The following STOX2 variants were observed in gnomAD, a reference collection of about 807,000 sequenced individuals.
The protein encoded by STOX2 is storkhead box 2, also known as storkhead-box protein 2.
A neutral mutation model predicts 60.9 loss-of-function variants in STOX2; 28 were observed. That is an observed-to-expected ratio of 0.46 (90% confidence interval 0.34 to 0.63). The LOEUF is 0.63. Ranked by LOEUF, STOX2 falls within the 30% of genes least tolerant of loss-of-function variation. The pLI is 0.01. For missense variants in STOX2, 1,024 were observed against 1,187.7 expected (o/e 0.86, Z 2.03); for synonymous variants, 472 against 463.9 (o/e 1.02, Z -0.22).
intron 1 of STOX2, among the ~76,000 whole-genome samples, chr4:183,928,362 C>CA (rs980028722): frequency 2.6e-5 from 4 of 151,994 alleles, no homozygotes; most frequent in African/African-American, 9.7e-5. Context: ...AATGAAACAG[C>CA]AAAAAAACCA....
At chr4:183,808,012 G>T (rs1386717996) in intron 1 of STOX2, among the ~76,000 whole-genome samples, 1 of 152,226 alleles carries the variant, frequency 6.6e-6, no homozygotes, top group East Asian at 1.9e-4. Flanking sequence ...GATCAGCGCG[G>T]GTTCCCGTAG....
rs1365592551 is a variant in STOX2, at chr4:184,009,290, T to A, written c.452T>A (p.Ile151Lys). The change falls in exon 3 of 4, where the codon ATA (isoleucine) becomes AAA (lysine). Residue 151 changes from isoleucine (I) to lysine (K), a missense_variant. Physicochemically the swap from Ile to Lys is moderately radical, Grantham distance 102. This residue lies in a region of STOX2 where 922 missense variants were observed against 1,058.3 expected (regional missense o/e 0.87). Coordinates refer to ENST00000308497, the MANE Select transcript of STOX2 (RefSeq NM_020225.3). This position sits in a 1 kb window ranked among gnomAD's most constrained non-coding sequence, Gnocchi z 4.0. ...ACTTATTTCATAACTCCTTCCCTCA[T>A]AAGAACTAACAGTAAATGGTACCAT... is the stretch of plus-strand genomic sequence containing the variant. The part of the protein sequence containing the change: ...PQTYFITPSL[I>K]RTNSKWYHLD... 2 of 1,613,834 alleles carry A rather than the reference T, an allele frequency of 1.2e-6. No individual in the cohort carries two copies. The highest frequency in any genetic ancestry group is 1.7e-5 in the Admixed American group (1 of 59,992).
At chr4:183,938,879 C>A (rs1229446483) in intron 1 of STOX2, among the ~76,000 whole-genome samples, 1 of 151,934 alleles carries the variant, frequency 6.6e-6, no homozygotes, top group African/African-American at 2.4e-5. Context: ...ATTTCATCAG[C>A]TCTGATTAAG....
At chr4:183,819,863 C>A (rs2111109560) in intron 1 of STOX2, among the ~76,000 whole-genome samples, 1 of 152,176 alleles carries the variant, frequency 6.6e-6, no homozygotes, top group African/African-American at 2.4e-5. Flanking sequence ...ACTGCCGTTG[C>A]CTTTGGAGGA....
At chr4:183,830,481 C>T (rs1739541105) in intron 1 of STOX2, among the ~76,000 whole-genome samples, 1 of 152,122 alleles carries the variant, frequency 6.6e-6, no homozygotes. Flanking sequence ...TCCTCTGTGC[C>T]AGGGCTGGGA....
intron 1 of STOX2, among the ~76,000 whole-genome samples, chr4:183,876,239 G>T (rs901341329): frequency 6.6e-6 from 1 of 152,174 alleles, no homozygotes; most frequent in African/African-American, 2.4e-5. Flanking sequence ...ACTCCCAGGC[G>T]GTCTGATGCA....
chr4:183,958,745 GC>G (rs1187936308), intron 1 of STOX2, among the ~76,000 whole-genome samples: 1 of 152,144 alleles, frequency 6.6e-6, no homozygotes, highest in Non-Finnish European at 1.5e-5. Flanking sequence ...AAGTAGCTCT[GC>G]TCATGATGTC....
chr4:183,935,911 A>G (rs1742577256), intron 1 of STOX2, among the ~76,000 whole-genome samples: 1 of 152,240 alleles, frequency 6.6e-6, no homozygotes, highest in Non-Finnish European at 1.5e-5. Context: ...TTAAGGTGGA[A>G]AACCTGATAT....
chr4:183,907,814 TCTC>T (rs1346183678), intron 1 of STOX2, among the ~76,000 whole-genome samples: 1 of 152,224 alleles, frequency 6.6e-6, no homozygotes, highest in East Asian at 1.9e-4. Context: ...TCCGTTGCCT[TCTC>T]CTTACTTCTC....
At chr4:184,013,548 T>C (rs138985877) in intron 3 of STOX2, among the ~76,000 whole-genome samples, 2 of 152,340 alleles carry the variant, frequency 1.3e-5, no homozygotes, top group African/African-American at 4.8e-5. Flanking sequence ...AGTTAGAGAA[T>C]CTACAGAACA....
At chr4:183,956,452 A>G (rs1200460026) in intron 1 of STOX2, among the ~76,000 whole-genome samples, 2 of 148,620 alleles carry the variant, frequency 1.3e-5, no homozygotes, top group African/African-American at 5.1e-5. Context: ...CTATCTATCT[A>G]TCTATCTATC....
chr4:183,898,825 G>A (rs1012660214), intron 1 of STOX2, among the ~76,000 whole-genome samples: 7 of 152,174 alleles, frequency 4.6e-5, no homozygotes, highest in Admixed American at 6.5e-5. Flanking sequence ...TGGCAGTGGC[G>A]AGATCGTTAG....
chr4:183,878,544 A>G (rs1740881950), intron 1 of STOX2, among the ~76,000 whole-genome samples: 1 of 152,240 alleles, frequency 6.6e-6, no homozygotes, highest in Non-Finnish European at 1.5e-5. Flanking sequence ...ACAATAGCAA[A>G]TTGAGAACAT....
At chr4:183,824,160 C>A (rs1392593475) in intron 1 of STOX2, among the ~76,000 whole-genome samples, 2 of 152,172 alleles carry the variant, frequency 1.3e-5, no homozygotes. Context: ...CCGTCACCTA[C>A]TTTAAAATAA....
intron 1 of STOX2, among the ~76,000 whole-genome samples, chr4:183,911,425 C>T (rs561630961): frequency 1.6e-4 from 24 of 152,076 alleles, no homozygotes; most frequent in South Asian, 1.2e-3. Context: ...TCAGCCTAGC[C>T]GCTCCAACTG....
chr4:183,903,160 G>A (rs1460099033), upstream of STOX2, among the ~76,000 whole-genome samples: 1 of 152,152 alleles, frequency 6.6e-6, no homozygotes, highest in Non-Finnish European at 1.5e-5. Flanking sequence ...ACTGCACTTG[G>A]AATAGAATAT....
chr4:183,841,850 T>A (rs1357958497), intron 1 of STOX2, among the ~76,000 whole-genome samples: 1 of 152,208 alleles, frequency 6.6e-6, no homozygotes, highest in Non-Finnish European at 1.5e-5. Context: ...AGGTAAATGC[T>A]TATGGTGGGA....
At chr4:183,849,467 C>T (rs1740063740) in intron 1 of STOX2, among the ~76,000 whole-genome samples, 1 of 152,160 alleles carries the variant, frequency 6.6e-6, no homozygotes, top group Admixed American at 6.5e-5. Flanking sequence ...GAGATACATA[C>T]AAGAACTCTT....
At chr4:183,950,212 A>G (rs1743026271) in intron 1 of STOX2, among the ~76,000 whole-genome samples, 1 of 151,798 alleles carries the variant, frequency 6.6e-6, no homozygotes, top group Middle Eastern at 3.4e-3. Context: ...ATTGATTCAT[A>G]TATTCAGCAC....
Sources: allele counts gnomAD v4.1 joint callset (sites outside exome capture counted in the v4.1 genomes callset), GRCh38; gene constraint gnomAD v4.1.1; regional missense constraint gnomAD v4.1.1; non-coding constraint Gnocchi (gnomAD v3.1); transcripts MANE v1.5; gene names NCBI Gene and HGNC (gene_info 2026-07-23, HGNC 2026-07-21).